Variants in CACHD1 observed in about 807,000 individuals in gnomAD.
CACHD1 encodes the protein VWFA and cache domain-containing protein 1.
In CACHD1, 71 loss-of-function variants were observed where a neutral mutation model predicts 138.7. That is an observed-to-expected ratio of 0.51 (90% CI 0.42 to 0.62). The LOEUF is 0.62. Among genes scored for constraint, CACHD1 ranks in the 20% least tolerant of loss-of-function variants. CACHD1 has a pLI of 0.00. For missense variants in CACHD1, 1,389 were observed against 1,625.3 expected, an observed-to-expected ratio of 0.85 and a Z score of 2.50; for synonymous variants, 578 against 591.5, an observed-to-expected ratio of 0.98 and a Z score of 0.33.
Position 64,602,790 on chromosome 1 carries a change from T to C in CACHD1, c.411-16T>C. 1 of 1,560,360 alleles carries C rather than the reference T, an allele frequency of 6.4e-7. No homozygotes were observed. On this transcript the variant is annotated splice_polypyrimidine_tract_variant and intron_variant, in intron 3 of 26. Transcript: ENST00000651257. ...TGGCCTGAATAAGTATTGCTAATTCTCTCCTATTGTTTCAGATTCGATGGG... is the reference window on the plus strand; with the variant it reads ...TGGCCTGAATAAGTATTGCTAATTCCCTCCTATTGTTTCAGATTCGATGGG...
intron 2 of CACHD1, among the ~76,000 whole-genome samples, chr1:64,580,661 G>A (rs1449467114): frequency 2.0e-5 from 3 of 152,074 alleles, no homozygotes; most frequent in Admixed American, 6.6e-5. Context: ...GCAATCAATC[G>A]AGGTTTCAAG....
chr1:64,521,393 T>A (rs879477663), intron 1 of CACHD1, among the ~76,000 whole-genome samples: 1 of 152,242 alleles, frequency 6.6e-6, no homozygotes, highest in Non-Finnish European at 1.5e-5. Flanking sequence ...GTAATTAGTT[T>A]AGGCCCATTG....
At chr1:64,475,780 C>A (rs1017541312) in intron 1 of CACHD1, among the ~76,000 whole-genome samples, 1 of 152,118 alleles carries the variant, frequency 6.6e-6, no homozygotes, top group Non-Finnish European at 1.5e-5. Context: ...GATTTCCTGA[C>A]CTCGTGATCC....
At chr1:64,684,084 C>G (rs906241259) in intron 26 of CACHD1, among the ~76,000 whole-genome samples, 2 of 152,186 alleles carry the variant, frequency 1.3e-5, no homozygotes, top group African/African-American at 2.4e-5. Flanking sequence ...ATTTCTATTG[C>G]CTAGTGATAT....
intron 1 of CACHD1, among the ~76,000 whole-genome samples, chr1:64,546,328 C>T (rs1486013598): frequency 6.7e-6 from 1 of 150,236 alleles, no homozygotes; most frequent in Non-Finnish European, 1.5e-5. Context: ...TTTCTTTTCT[C>T]TTTTTCGTTT....
At chr1:64,477,824 C>T (rs983534668) in intron 1 of CACHD1, among the ~76,000 whole-genome samples, 1 of 148,816 alleles carries the variant, frequency 6.7e-6, no homozygotes, top group Non-Finnish European at 1.5e-5. Flanking sequence ...TTAGTAGAGA[C>T]GGGGTTTCAC....
Position 64,470,372 on chromosome 1 carries a change from G to C in CACHD1, c.-373G>C, listed in dbSNP as rs1370743961. 6.6e-6 allele frequency among the ~76,000 whole-genome samples: 1 copy of C among 151,702 alleles called. No homozygotes were observed. The highest frequency in any genetic ancestry group is 1.5e-5 in the Non-Finnish European group (1 of 67,874). ...GCAGGAAGCGAGAGCCGCGCGGCTC[G>C]GCTCGGGCTCCGACTCCGACTCCGA... On this transcript the variant is annotated 5_prime_UTR_variant, in exon 1 of 27. Transcript: ENST00000651257. This position sits in a 1 kb window ranked among gnomAD's most constrained non-coding sequence, Gnocchi z 5.2.
intron 1 of CACHD1, among the ~76,000 whole-genome samples, chr1:64,534,823 T>G (rs1646619100): frequency 6.6e-6 from 1 of 152,236 alleles, no homozygotes; most frequent in Non-Finnish European, 1.5e-5. Context: ...GATCACCTTC[T>G]TCAGCTCCTG....
At chr1:64,572,749 G>A (rs1025520342) in intron 2 of CACHD1, among the ~76,000 whole-genome samples, 8 of 152,100 alleles carry the variant, frequency 5.3e-5, no homozygotes, top group African/African-American at 4.8e-5. Context: ...CAGGATCAGG[G>A]TATGTGACCC....
chr1:64,587,431 A>T (rs2100548587), intron 3 of CACHD1, among the ~76,000 whole-genome samples: 1 of 152,350 alleles, frequency 6.6e-6, no homozygotes, highest in South Asian at 2.1e-4. Context: ...TGACGACAAC[A>T]GAGAGAACCT....
At chr1:64,535,385 G>C (rs1646624305) in intron 1 of CACHD1, among the ~76,000 whole-genome samples, 1 of 150,090 alleles carries the variant, frequency 6.7e-6, no homozygotes, top group South Asian at 2.1e-4. Context: ...GAGTGCAATG[G>C]CATGATCTTG....
chr1:64,553,906 A>G (rs1469532075), intron 2 of CACHD1, among the ~76,000 whole-genome samples: 1 of 152,200 alleles, frequency 6.6e-6, no homozygotes, highest in Non-Finnish European at 1.5e-5. Context: ...CTTCATATTC[A>G]TTAGAAGCAC....
rs1205011681 is a variant in CACHD1 at position 64,642,071 on chromosome 1, G to A, written c.1156+102G>A. 5.3e-6 allele frequency: 6 copies of A among 1,133,234 alleles called. No homozygotes were observed. In the Admixed American group the frequency reaches 9.1e-5, roughly 17 times the overall value. The allele number at this position is 1,133,234 out of a possible 1,614,324, so 70.2% of individuals were successfully genotyped here. A position where few individuals can be genotyped will look rare whatever the true frequency, so the allele number is the denominator to read the frequency against. On this transcript the variant is annotated intron_variant, in intron 8 of 26. Transcript: ENST00000651257. ...AATCATAACAGTGTGCTTGGATGAA[G>A]GCTACGGGAAAAGGCAACCAGGCGG...
chr1:64,513,289 G>A (rs931481638), intron 1 of CACHD1, among the ~76,000 whole-genome samples: 3 of 152,168 alleles, frequency 2.0e-5, no homozygotes, highest in Non-Finnish European at 4.4e-5. Flanking sequence ...CCTCCAAGCT[G>A]TGACAATCAA....
At chr1:64,663,593 GC>G in intron 13 of CACHD1, 101 bp from the exon 14 acceptor site, 1 of 1,263,628 alleles carries the variant, frequency 7.9e-7, no homozygotes, top group South Asian at 1.5e-5. Flanking sequence ...AAGACATTAA[GC>G]CACCATAGCT....
chr1:64,472,120 CCTTCCACCTCCCACCGGGAGAGGT>C (rs1400800970), intron 1 of CACHD1, among the ~76,000 whole-genome samples: 4 of 152,144 alleles, frequency 2.6e-5, no homozygotes, highest in Non-Finnish European at 4.4e-5. Context: ...TGTGACCACT[CCTTCCACCTCCCACCGGGAGAGGT>C]GTTTAAGTCA....
intron 3 of CACHD1, among the ~76,000 whole-genome samples, chr1:64,595,188 C>G (rs755881160): frequency 6.6e-5 from 10 of 152,188 alleles, no homozygotes; most frequent in Non-Finnish European, 1.5e-4. Context: ...ATACCACTCA[C>G]AGTTGTCTGC....
intron 4 of CACHD1, among the ~76,000 whole-genome samples, chr1:64,617,579 A>G (rs1248032162): frequency 6.6e-6 from 1 of 152,192 alleles, no homozygotes; most frequent in Non-Finnish European, 1.5e-5. Context: ...TTAGACTAAA[A>G]TAATAACAAG....
rs746605560 is a variant in CACHD1, at chr1:64,550,581, CT to C, written c.199-9del. 1.3e-6 allele frequency: 2 copies of C among 1,597,828 alleles called. No homozygotes were observed. The highest frequency in any genetic ancestry group is 1.7e-6 in the Non-Finnish European group (2 of 1,165,970). ...ATTTAGAAAATCTCATGTTCATTTTCTTTTCATTGCAGCGGATATTCAACTC... is the reference window on the plus strand; with the variant it reads ...ATTTAGAAAATCTCATGTTCATTTTCTTTCATTGCAGCGGATATTCAACTC... On this transcript the variant is annotated splice_polypyrimidine_tract_variant and intron_variant, in intron 1 of 26. Transcript: ENST00000651257.
Sources: allele counts gnomAD v4.1 joint callset (sites outside exome capture counted in the v4.1 genomes callset), GRCh38; gene constraint gnomAD v4.1.1; non-coding constraint Gnocchi (gnomAD v3.1); transcripts MANE v1.5; gene names NCBI Gene and HGNC (gene_info 2026-07-23, HGNC 2026-07-21).